TMED10: variants seen among roughly 807,000 people sequenced by gnomAD.
TMED10 encodes transmembrane p24 trafficking protein 10, also known as transmembrane emp24 domain-containing protein 10.
A neutral mutation model predicts 23.1 loss-of-function variants in TMED10; 7 were observed. That is an observed-to-expected ratio of 0.30 (90% CI 0.17 to 0.57). The LOEUF (loss-of-function observed/expected upper bound fraction) is 0.57, where lower values mean the gene tolerates loss of function less well. Ranked by LOEUF, TMED10 falls within the 20% of genes least tolerant of loss-of-function variation. The pLI is 0.91. For synonymous variants in TMED10, 113 were observed against 106.9 expected (o/e 1.06, Z -0.35); for missense variants, 162 against 274.8 (o/e 0.59, Z 2.90).
chr14:75,173,135 G>A (rs867569540), intron 1 of TMED10, among the ~76,000 whole-genome samples: 1 of 152,146 alleles, frequency 6.6e-6, no homozygotes, highest in Non-Finnish European at 1.5e-5. Flanking sequence ...CCTGTAATCC[G>A]AGCACTTTGG....
intron 1 of TMED10, among the ~76,000 whole-genome samples, chr14:75,161,063 A>G (rs1010023100): frequency 2.6e-5 from 4 of 152,210 alleles, no homozygotes; most frequent in African/African-American, 9.6e-5. Context: ...AGAGAAGGAA[A>G]AAAAAGTGTT....
chr14:75,176,295 G>A (rs1896304647), intron 1 of TMED10, 60 bp downstream of exon 1: 1 of 1,596,368 alleles, frequency 6.3e-7, no homozygotes, highest in African/African-American at 1.3e-5. Context: ...CCGAACCCGA[G>A]CCTCCCCTCG....
At chr14:75,141,273 G>A (rs546354876) in intron 3 of TMED10, among the ~76,000 whole-genome samples, 2 of 152,288 alleles carry the variant, frequency 1.3e-5, no homozygotes, top group African/African-American at 4.8e-5. Flanking sequence ...ACCAAAACAC[G>A]GAGGGAGTAA....
intron 3 of TMED10, among the ~76,000 whole-genome samples, chr14:75,146,455 G>GC (rs771756630): frequency 1.3e-5 from 2 of 152,114 alleles, no homozygotes; most frequent in Non-Finnish European, 2.9e-5. Flanking sequence ...TTCTTCAAAA[G>GC]CCCATTCTAT....
chr14:75,152,711 T>C (rs1827117170), intron 1 of TMED10, among the ~76,000 whole-genome samples: 1 of 152,118 alleles, frequency 6.6e-6, no homozygotes, highest in Non-Finnish European at 1.5e-5. Flanking sequence ...AACGGCCAGG[T>C]AGAGTGGGAA....
chr14:75,150,905 C>G (rs1048274014), intron 2 of TMED10, among the ~76,000 whole-genome samples: 6 of 152,128 alleles, frequency 3.9e-5, no homozygotes, highest in African/African-American at 1.4e-4. Flanking sequence ...AACAGACAAT[C>G]CTTTTTGTTT....
At chr14:75,135,042 G>A (rs753204066) in intron 4 of TMED10, 36 bp from the exon 5 acceptor site, 3 of 1,611,372 alleles carry the variant, frequency 1.9e-6, no homozygotes, top group East Asian at 2.2e-5. Flanking sequence ...ACATAATGAA[G>A]TGAGCCTCCT....
At position 75,133,833 on chromosome 14, in the gene TMED10, C is replaced by T. The variant is rs1895715846; in HGVS notation, c.*1052G>A. 2 of 306,316 alleles carry T rather than the reference C, an allele frequency of 6.5e-6. No homozygotes were observed. Among genetic ancestry groups the T allele is most frequent in the Non-Finnish European group, 1.2e-5 (2 of 161,946 alleles). 19.0% of individuals were successfully genotyped at this position (306,316 alleles called of 1,614,324 possible). On this transcript the variant is annotated 3_prime_UTR_variant, in exon 5 of 5. Coordinates refer to ENST00000303575, the MANE Select transcript of TMED10 (RefSeq NM_006827.6). ...TACTCAGCAATCAAAAGGAACTGCC[C>T]CCACTTCACCACGATGCAATATATG... is the stretch of plus-strand genomic sequence containing the variant.
At chr14:75,135,965 T>C in intron 3 of TMED10, 79 bp from the exon 4 acceptor site, 1 of 1,555,332 alleles carries the variant, frequency 6.4e-7, no homozygotes, top group Admixed American at 2.1e-5. Flanking sequence ...CAGAGAAGTC[T>C]TTTTTAAAGT....
intron 3 of TMED10, among the ~76,000 whole-genome samples, chr14:75,138,832 T>A (rs1402291520): frequency 2.7e-5 from 4 of 148,946 alleles, no homozygotes; most frequent in Non-Finnish European, 6.0e-5. Flanking sequence ...TTTTTTTTTT[T>A]ATTTTTGTTG....
chr14:75,147,134 A>G lies in TMED10; in HGVS notation c.411+530T>C, dbSNP rs542796017. ...TTATCAAACCAACATTCTGTGGGAC[A>G]GTTTGTTCAGTCTTTGGCTGACAGC... On this transcript the variant is annotated intron_variant, in intron 3 of 4. Transcript: ENST00000303575. 1.5e-4 allele frequency among the ~76,000 whole-genome samples: 23 copies of G among 151,224 alleles called. No homozygotes were observed. In the South Asian group the frequency reaches 4.0e-3, roughly 26 times the overall value.
intron 3 of TMED10, among the ~76,000 whole-genome samples, chr14:75,141,103 A>C (rs974059181): frequency 6.6e-6 from 1 of 152,230 alleles, no homozygotes; most frequent in South Asian, 2.1e-4. Flanking sequence ...TATAACCATA[A>C]TATATGGCTT....
chr14:75,135,389 G>A (rs1895736863), intron 4 of TMED10, among the ~76,000 whole-genome samples: 1 of 152,066 alleles, frequency 6.6e-6, no homozygotes, highest in South Asian at 2.1e-4. Context: ...GCAGTGAGCC[G>A]AGATCGCACC....
At chr14:75,164,577 A>ATATT (rs1566675301) in intron 1 of TMED10, among the ~76,000 whole-genome samples, 4 of 45,088 alleles carry the variant, frequency 8.9e-5, no homozygotes, top group East Asian at 7.5e-4. Flanking sequence ...ATATATATAT[A>ATATT]TTTTTTTTTT....
rs1055715135 is a variant in TMED10, at chr14:75,134,619, C to A, written c.*266G>T. The stretch of plus-strand genomic sequence containing the variant: ...GCTGACTTTGGCATTATCTAGGTAA[C>A]CCCTATTTTTTGTCATAGGTGACTC... On this transcript the variant is annotated 3_prime_UTR_variant, in exon 5 of 5. Transcript: ENST00000303575. The A allele has an allele frequency of 1.1e-5, 4 of 356,868 alleles. No individual in the cohort carries two copies. Among genetic ancestry groups the A allele is most frequent in the Non-Finnish European group, 1.6e-5 (3 of 187,866 alleles). The allele number at this position is 356,868 out of a possible 1,614,324, so 22.1% of individuals were successfully genotyped here.
chr14:75,172,332 G>C (rs780561941), intron 1 of TMED10, among the ~76,000 whole-genome samples: 6 of 150,592 alleles, frequency 4.0e-5, no homozygotes, highest in Non-Finnish European at 8.9e-5. Context: ...TTTGGAGACA[G>C]AGTCTCACTC....
In TMED10 at chr14:75,147,491, G is replaced by C. The variant is rs1594867525; in HGVS notation, c.411+173C>G. 1.7e-5 allele frequency: 13 copies of C among 746,288 alleles called. No individual in the cohort carries two copies. The East Asian group carries it at 3.2e-4, about 19-fold the overall frequency. 46.2% of individuals were successfully genotyped at this position (746,288 alleles called of 1,614,324 possible). A position where few individuals can be genotyped will look rare whatever the true frequency, so the allele number is the denominator to read the frequency against. On this transcript the variant is annotated intron_variant, in intron 3 of 4. Transcript: ENST00000303575. ...TTACAGGAGTGAGCCACCGCGCCCG[G>C]CTAAGGCTGTTAATACCACTTTTTG...
At chr14:75,143,933 C>A (rs1350175819) in intron 3 of TMED10, among the ~76,000 whole-genome samples, 271 of 126,110 alleles carry the variant, frequency 2.1e-3, no homozygotes, top group South Asian at 2.6e-3. Flanking sequence ...TACTCTGTCT[C>A]AAAAAAAAAA....
At chr14:75,167,348 T>C (rs891932820) in intron 1 of TMED10, among the ~76,000 whole-genome samples, 3 of 152,028 alleles carry the variant, frequency 2.0e-5, no homozygotes, top group Non-Finnish European at 4.4e-5. Flanking sequence ...CTGAAAACTA[T>C]AGCATATATA....
Sources: gnomAD v4.1 joint callset for allele counts (sites outside exome capture counted in the v4.1 genomes callset) on GRCh38, gnomAD v4.1.1 for gene constraint, MANE v1.5 for transcripts, NCBI Gene and HGNC (gene_info 2026-07-23, HGNC 2026-07-21) for gene names.